Variants in PIGQ observed in about 807,000 individuals in gnomAD.
The protein encoded by PIGQ is phosphatidylinositol N-acetylglucosaminyltransferase subunit Q.
A neutral mutation model predicts 60.3 loss-of-function variants in PIGQ; 54 were observed. The ratio of observed to expected loss-of-function variants is 0.90; its 90% CI spans 0.72 to 1.12. The LOEUF (loss-of-function observed/expected upper bound fraction) is 1.12. PIGQ is among the 50% of genes most tolerant of loss of function. The probability of loss-of-function intolerance (pLI) is 0.00; values close to 1 mark genes in which losing one functional copy is unlikely to be tolerated. For missense variants in PIGQ, 799 were observed against 793.5 expected (o/e 1.01, Z -0.08); for synonymous variants, 416 against 363.7 (o/e 1.14, Z -1.64).
At chr16:580,067 C>G (rs902148134) in intron 7 of PIGQ, 116 bp from the exon 8 acceptor site, 2 of 683,938 alleles carry the variant, frequency 2.9e-6, no homozygotes, top group Middle Eastern at 3.8e-4. Context: ...ATCCCGAGTT[C>G]CCTCAGGAAG....
rs1282562072 is a variant in PIGQ, at chr16:583,096, G to A, written c.*61G>A. ...CACAGCCAGCCATCTGCTCTGCCAGGGTGGCACCAGCTCAGCTGGCGCATG... is the reference window on the plus strand; with the variant it reads ...CACAGCCAGCCATCTGCTCTGCCAGAGTGGCACCAGCTCAGCTGGCGCATG... On this transcript the variant is annotated 3_prime_UTR_variant, in exon 11 of 11. Coordinates refer to ENST00000321878, the MANE Select transcript of PIGQ (RefSeq NM_004204.5). The A allele has an allele frequency of 1.2e-6, 2 of 1,613,054 alleles. No homozygotes were observed. The highest frequency in any genetic ancestry group is 2.2e-5 in the South Asian group (2 of 91,086).
chr16:574,017 T>TG (rs769230405), intron 1 of PIGQ, 49 bp from the exon 2 acceptor site: 26 of 1,327,910 alleles, frequency 2.0e-5, no homozygotes, highest in South Asian at 2.7e-5. Context: ...CAGCCCACGG[T>TG]GGGGGGGCAG....
At chr16:582,619 C>CTGGGG (rs995269497) in intron 10 of PIGQ, 2 of 583,418 alleles carry the variant, frequency 3.4e-6, no homozygotes, top group South Asian at 2.2e-5. Context: ...TGAGTGAGTC[C>CTGGGG]TGGGGTGGGG....
Position 581,764 on chromosome 16 carries a change from T to A in PIGQ, c.1532-484T>A, listed in dbSNP as rs531458564. On this transcript the variant is annotated intron_variant, in intron 9 of 10. Coordinates refer to ENST00000321878, the MANE Select transcript of PIGQ (RefSeq NM_004204.5). Reference sequence around the variant, plus strand: ...GGCACGAGCCACCGTGCCCGGCTTTTTTTTTTTTTTTTTTTTGAGATGGAG... The same window carrying A: ...GGCACGAGCCACCGTGCCCGGCTTTATTTTTTTTTTTTTTTTGAGATGGAG... 2.5e-3 allele frequency: 331 copies of A among 130,396 alleles called. 3 individuals carry two copies. Among genetic ancestry groups the A allele is most frequent in the African/African-American group, 8.7e-3 (287 of 32,888 alleles). 8.1% of individuals were successfully genotyped at this position (130,396 alleles called of 1,614,324 possible). A position where few individuals can be genotyped will look rare whatever the true frequency, so the allele number is the denominator to read the frequency against.
chr16:582,411 G>A (rs1035389195), intron 10 of PIGQ, 102 bp downstream of exon 10: 5 of 853,468 alleles, frequency 5.9e-6, no homozygotes, highest in Non-Finnish European at 7.3e-6. Flanking sequence ...GCCAGCCTGC[G>A]ATGAGGTACA....
intron 4 of PIGQ, chr16:578,122 A>C: frequency 2.4e-6 from 1 of 421,064 alleles, no homozygotes; most frequent in Non-Finnish European, 4.3e-6. Context: ...GGGTGCAGGC[A>C]GGGGGCCACG....
rs775925962 is a variant in PIGQ at position 582,922 on chromosome 16, C to T, written c.1633C>T (p.Arg545Cys). Residue 545 changes from arginine (R) to cysteine (C), a missense_variant, in exon 11 of 11, where the codon CGC (arginine) becomes TGC (cysteine). Coordinates refer to ENST00000321878, the MANE Select transcript of PIGQ (RefSeq NM_004204.5). ...LPYSRVVHTY[R>C]LPSCGCHPKH... ...CTACAGCCGCGTGGTGCACACCTAC[C>T]GCCTCCCCAGCTGTGGCTGCCACCC... is the stretch of plus-strand genomic sequence containing the variant. The T allele has an allele frequency of 9.9e-6, 16 of 1,612,068 alleles. No homozygotes were observed. Among genetic ancestry groups the T allele is most frequent in the South Asian group, 4.4e-5 (4 of 91,030 alleles).
intron 1 of PIGQ, among the ~76,000 whole-genome samples, chr16:571,099 G>A (rs1425170225): frequency 1.9e-4 from 4 of 21,056 alleles, no homozygotes; most frequent in Non-Finnish European, 3.8e-4. Context: ...GTGTGTGTGT[G>A]TGTGTGTGTC....
rs1011269904 is a variant in PIGQ at position 570,104 on chromosome 16, G to C, written c.-10+8G>C. On this transcript the variant is annotated splice_region_variant and intron_variant, in intron 1 of 10. Coordinates refer to ENST00000321878, the MANE Select transcript of PIGQ (RefSeq NM_004204.5). ...CGGCCCCGGAAGCACCCGGTGAGCA[G>C]GGGGGGTGGGCGGCGCGCGGCGGGA... 1 of 150,666 alleles carries C rather than the reference G, an allele frequency of 6.6e-6. No homozygotes were observed. The highest frequency in any genetic ancestry group is 2.4e-5 in the African/African-American group (1 of 41,158). The allele number at this position is 150,666 out of a possible 1,614,324, so 9.3% of individuals were successfully genotyped here. A position where few individuals can be genotyped will look rare whatever the true frequency, so the allele number is the denominator to read the frequency against.
intron 5 of PIGQ, 70 bp from the exon 6 acceptor site, chr16:578,715 T>C (rs2035761103): frequency 1.3e-6 from 2 of 1,539,630 alleles, no homozygotes; most frequent in Admixed American, 1.7e-5. Context: ...ATGTCCTGTG[T>C]GTGTGAGGGT....
intron 4 of PIGQ, among the ~76,000 whole-genome samples, chr16:577,558 CA>C (rs2035741173): frequency 7.4e-6 from 1 of 135,882 alleles, no homozygotes; most frequent in African/African-American, 2.8e-5. Flanking sequence ...GCCTGGGCGA[CA>C]AAACAAGACT....
intron 1 of PIGQ, chr16:570,352 T>G (rs1027548714): frequency 3.3e-5 from 5 of 152,282 alleles, no homozygotes; most frequent in African/African-American, 1.2e-4. Context: ...AATCGTAGGC[T>G]CTTCCCAAAT....
intron 10 of PIGQ, chr16:582,542 C>T (rs940083573): frequency 2.5e-5 from 14 of 569,320 alleles, no homozygotes; most frequent in African/African-American, 1.3e-4. Context: ...GTGTCGGAGG[C>T]GCCCTTGGCT....
rs2035596333 is a variant in PIGQ at position 570,071 on chromosome 16, C to T, written c.-35C>T. The stretch of plus-strand genomic sequence containing the variant: ...CCAACCCCATCCGGACCCCGCCGCC[C>T]GAGCGCGCGGCCCCGGAAGCACCCG... On this transcript the variant is annotated 5_prime_UTR_variant, in exon 1 of 11. Transcript: ENST00000321878. 1 of 150,382 alleles carries T rather than the reference C, an allele frequency of 6.6e-6. No homozygotes were observed. Among genetic ancestry groups the T allele is most frequent in the African/African-American group, 2.4e-5 (1 of 41,220 alleles). 9.3% of individuals were successfully genotyped at this position (150,382 alleles called of 1,614,324 possible).
In PIGQ at chr16:574,329, T is replaced by C; in HGVS notation, c.255T>C (p.Gly85=). 6.2e-7 allele frequency: 1 copy of C among 1,608,002 alleles called. No individual in the cohort carries two copies. Among genetic ancestry groups the C allele is most frequent in the Non-Finnish European group, 8.5e-7 (1 of 1,179,338 alleles). ...TGGGCCGCTTCCTGGAGAGCCTGGG[T>C]GCTGTCTTCCCCCATGAGCCCTGGC... ...ESLGRFLESL[G]AVFPHEPWLR... Residue 85 remains glycine (G), a synonymous_variant, in exon 2 of 11, where the codon GGT becomes GGC. Transcript: ENST00000321878.
chr16:571,068 T>TCTGGCTA (rs1567173342), intron 1 of PIGQ, among the ~76,000 whole-genome samples: 1 of 16,748 alleles, frequency 6.0e-5, no homozygotes, highest in African/African-American at 2.9e-4. Flanking sequence ...TGTGTGTGTG[T>TCTGGCTA]GTGTGTGTGT....
In PIGQ at chr16:574,665, G is replaced by A. The variant is rs1265103561; in HGVS notation, c.591G>A (p.Glu197=). The stretch of plus-strand genomic sequence containing the variant: ...GCCACTGGCAGTCGGAGGGCGTGGA[G>A]GCCAGCATCCTCGCGGAGCTGGCCA... ...RLSHWQSEGV[E]ASILAELARR... The change falls in exon 2 of 11, where the codon GAG becomes GAA. Residue 197 remains glutamate (E), a synonymous_variant. Coordinates refer to ENST00000321878, the MANE Select transcript of PIGQ (RefSeq NM_004204.5). 1.9e-6 allele frequency: 3 copies of A among 1,607,806 alleles called. No homozygotes were observed. In the South Asian group the frequency reaches 3.3e-5, roughly 18 times the overall value.
At chr16:572,536 T>C (rs979370889) in intron 1 of PIGQ, 5 of 455,850 alleles carry the variant, frequency 1.1e-5, no homozygotes, top group African/African-American at 1.0e-4. Flanking sequence ...CACCCCGACG[T>C]GTGCATCCTG....
intron 6 of PIGQ, 48 bp from the exon 7 acceptor site, chr16:579,021 C>CGGGGCGGGGCG: frequency 4.6e-6 from 1 of 218,396 alleles, no homozygotes; most frequent in Middle Eastern, 1.6e-3. Flanking sequence ...GGGGCGGGGG[C>CGGGGCGGGGCG]GGGGCGGGGC....
Sources: gnomAD v4.1 joint callset for allele counts (sites outside exome capture counted in the v4.1 genomes callset) on GRCh38, gnomAD v4.1.1 for gene constraint, MANE v1.5 for transcripts, NCBI Gene and HGNC (gene_info 2026-07-23, HGNC 2026-07-21) for gene names.